The following INPP5A variants were observed in gnomAD, a reference collection of about 807,000 sequenced individuals.
INPP5A encodes inositol polyphosphate-5-phosphatase A.
Under a neutral mutation model 65.2 loss-of-function variants are expected in INPP5A, and 14 were observed. The ratio of observed to expected loss-of-function variants is 0.21; its 90% CI spans 0.14 to 0.34. The LOEUF is 0.34. INPP5A is among the 10% of genes least tolerant of loss of function. The pLI, the probability that INPP5A is intolerant of heterozygous loss-of-function variation, is 1.00. For missense variants in INPP5A, 431 were observed against 545.6 expected (o/e 0.79, Z 2.09); for synonymous variants, 207 against 208.3 (o/e 0.99, Z 0.05).
chr10:132,708,953 C>T (rs1456874901), intron 7 of INPP5A, among the ~76,000 whole-genome samples: 1 of 152,192 alleles, frequency 6.6e-6, no homozygotes, highest in African/African-American at 2.4e-5. Flanking sequence ...CATTTGAATA[C>T]TGTTTTCATT....
At chr10:132,765,395 ACT>A (rs1277303378) in intron 11 of INPP5A, among the ~76,000 whole-genome samples, 5 of 152,110 alleles carry the variant, frequency 3.3e-5, no homozygotes, top group African/African-American at 1.2e-4. Context: ...GTTACTTGAC[ACT>A]CTGGGCAGGA....
In INPP5A at chr10:132,645,821, C is replaced by A. The variant is rs757915460; in HGVS notation, c.118-47C>A. On this transcript the variant is annotated intron_variant, in intron 2 of 15. Coordinates refer to ENST00000368594, the MANE Select transcript of INPP5A (RefSeq NM_005539.5). ...GGAGGGGGTGGTGCCACGTGTGGCT[C>A]TGTGGACGGCTCCGACGACCCTGAC... 5 of 1,449,524 alleles carry A rather than the reference C, an allele frequency of 3.4e-6. No homozygotes were observed. The Admixed American group carries it at 5.4e-5, about 16-fold the overall frequency. The allele number at this position is 1,449,524 out of a possible 1,614,324, so 89.8% of individuals were successfully genotyped here. A position where few individuals can be genotyped will look rare whatever the true frequency, so the allele number is the denominator to read the frequency against.
In INPP5A at chr10:132,753,757, C is replaced by T. The variant is rs966769452; in HGVS notation, c.903+3912C>T. 1 of 152,106 alleles carries T rather than the reference C, an allele frequency of 6.6e-6. No individual in the cohort carries two copies. The highest frequency in any genetic ancestry group is 2.4e-5 in the African/African-American group (1 of 41,408). The allele number at this position is 152,106 out of a possible 1,614,324, so 9.4% of individuals were successfully genotyped here. ...CCCCAGGTGCATTGATTTTCTGGGC[C>T]TCTTTCCTTTATCAGCGCCAGTGTC... On this transcript the variant is annotated intron_variant, in intron 11 of 15. Coordinates refer to ENST00000368594, the MANE Select transcript of INPP5A (RefSeq NM_005539.5). This position sits in a 1 kb window ranked among gnomAD's most constrained non-coding sequence, Gnocchi z 5.3.
chr10:132,538,103 G>A lies in INPP5A; in HGVS notation c.7G>A (p.Gly3Arg). Residue 3 changes from glycine to arginine, a missense_variant, in exon 1 of 16, where the codon GGG becomes AGG. By Grantham distance (125) the Gly-to-Arg change is moderately radical. Coordinates refer to ENST00000368594, the MANE Select transcript of INPP5A (RefSeq NM_005539.5). This position sits in a 1 kb window ranked among gnomAD's most constrained non-coding sequence, Gnocchi z 4.1. MA[G>R]KAAAPGTAVL... ...CCCGCGCCGCCCGGGCACCATGGCGGGGAAGGCGGCCGCCCCGGGCACCGC... is the reference window on the plus strand; with the variant it reads ...CCCGCGCCGCCCGGGCACCATGGCGAGGAAGGCGGCCGCCCCGGGCACCGC... The A allele has an allele frequency of 8.3e-7, 1 of 1,211,716 alleles. No homozygotes were observed. Among genetic ancestry groups the A allele is most frequent in the Non-Finnish European group, 1.0e-6 (1 of 973,238 alleles). The allele number at this position is 1,211,716 out of a possible 1,614,324, so 75.1% of individuals were successfully genotyped here.
chr10:132,737,636 C>T (rs1846201320), intron 9 of INPP5A, among the ~76,000 whole-genome samples: 2 of 152,208 alleles, frequency 1.3e-5, no homozygotes. Flanking sequence ...CACAGGGACG[C>T]CCTTCCCTGA....
intron 8 of INPP5A, among the ~76,000 whole-genome samples, chr10:132,725,687 G>C (rs79712454): frequency 0.014 from 2,108 of 152,328 alleles, 27 homozygotes; most frequent in Middle Eastern, 0.024. Context: ...CTCCCTGCCT[G>C]TGGACAGCTG....
chr10:132,735,639 C>G (rs1846163132), intron 9 of INPP5A, among the ~76,000 whole-genome samples: 1 of 152,216 alleles, frequency 6.6e-6, no homozygotes, highest in Non-Finnish European at 1.5e-5. Flanking sequence ...CACTGCCGAC[C>G]GCGTTCCTCT....
intron 6 of INPP5A, among the ~76,000 whole-genome samples, chr10:132,700,682 C>T (rs141914600): frequency 2.4e-4 from 37 of 152,322 alleles, no homozygotes; most frequent in African/African-American, 8.9e-4. Flanking sequence ...CCCGACCTCT[C>T]GCTGTGTTTG....
chr10:132,763,613 A>G (rs1846772877), intron 11 of INPP5A, among the ~76,000 whole-genome samples: 1 of 151,912 alleles, frequency 6.6e-6, no homozygotes, highest in South Asian at 2.1e-4. Context: ...ATGCAAACAC[A>G]CACATGCCTG....
intron 12 of INPP5A, among the ~76,000 whole-genome samples, chr10:132,773,764 C>T (rs901814378): frequency 3.9e-5 from 6 of 152,174 alleles, no homozygotes; most frequent in Non-Finnish European, 5.9e-5. Flanking sequence ...CCTCGAGATA[C>T]GGGCGAGGGG....
At chr10:132,569,112 C>T (rs543422217) in intron 1 of INPP5A, among the ~76,000 whole-genome samples, 1 of 152,044 alleles carries the variant, frequency 6.6e-6, no homozygotes, top group Admixed American at 6.5e-5. Context: ...GACAGGGTTT[C>T]TCCATGTTGG....
At position 132,538,194 on chromosome 10, in the gene INPP5A, A is replaced by G; in HGVS notation, c.75+23A>G. On this transcript the variant is annotated intron_variant, in intron 1 of 15. Transcript: ENST00000368594. The surrounding 1 kb of genome is among the most constrained non-coding windows in gnomAD (Gnocchi z 4.1). ...GACGTAAGTCCCCCGTGCCGGCGGC[A>G]GGCCCCAAGCCCGGAACCCCCGACC... The G allele has an allele frequency of 7.9e-7, 1 of 1,262,856 alleles. No homozygotes were observed. Among genetic ancestry groups the G allele is most frequent in the Non-Finnish European group, 1.0e-6 (1 of 999,058 alleles). The allele number at this position is 1,262,856 out of a possible 1,614,324, so 78.2% of individuals were successfully genotyped here.
intron 8 of INPP5A, among the ~76,000 whole-genome samples, chr10:132,719,830 G>A (rs1002102798): frequency 8.7e-5 from 13 of 149,396 alleles, no homozygotes; most frequent in Non-Finnish European, 1.9e-4. Context: ...CACCTTAGAC[G>A]ACTGTCTTCA....
In INPP5A at chr10:132,637,029, T is replaced by G. The variant is rs762681332; in HGVS notation, c.118-8839T>G. ...GCCTCCCGGGTTCAAGCGATTCTCCTGCCTCAGCCTCCCAAGTAGGTAGGA... is the reference window on the plus strand; with the variant it reads ...GCCTCCCGGGTTCAAGCGATTCTCCGGCCTCAGCCTCCCAAGTAGGTAGGA... On this transcript the variant is annotated intron_variant, in intron 2 of 15. Coordinates refer to ENST00000368594, the MANE Select transcript of INPP5A (RefSeq NM_005539.5). The surrounding 1 kb of genome is among the most constrained non-coding windows in gnomAD (Gnocchi z 4.1). Among the ~76,000 whole-genome samples the G allele has an allele frequency of 9.8e-5, 15 of 152,348 alleles. No individual in the cohort carries two copies. In the Middle Eastern group the frequency reaches 0.01, roughly 104 times the overall value.
chr10:132,761,494 C>T (rs1463271463), intron 11 of INPP5A, among the ~76,000 whole-genome samples: 3 of 150,988 alleles, frequency 2.0e-5, no homozygotes, highest in African/African-American at 7.3e-5. Context: ...GTGTGCTCAG[C>T]AGGTGAGCAG....
intron 5 of INPP5A, among the ~76,000 whole-genome samples, chr10:132,696,808 G>GACCACAGCACCCAGGGCCGGGCCAC (rs1167340645): frequency 3.3e-5 from 5 of 152,114 alleles, no homozygotes; most frequent in African/African-American, 1.2e-4. Flanking sequence ...GGCCAGGTCA[G>GACCACAGCACCCAGGGCCGGGCCAC]ACCACAGCAC....
chr10:132,580,192 G>T (rs760145208), intron 1 of INPP5A, among the ~76,000 whole-genome samples: 2 of 152,150 alleles, frequency 1.3e-5, no homozygotes, highest in South Asian at 4.1e-4. Context: ...TCCCTGATAT[G>T]GTTTGGCTCT....
At chr10:132,768,787 C>G (rs556854820) in intron 12 of INPP5A, among the ~76,000 whole-genome samples, 7 of 152,346 alleles carry the variant, frequency 4.6e-5, no homozygotes, top group African/African-American at 1.4e-4. Context: ...TTTTCAGAAT[C>G]GTTTCATGGT....
rs1396085696 is a variant in INPP5A, at chr10:132,707,382, C to CT, written c.475-930dup. Among the ~76,000 whole-genome samples, 4 of 152,260 alleles carry CT rather than the reference C, an allele frequency of 2.6e-5. No individual in the cohort carries two copies. Among genetic ancestry groups the CT allele is most frequent in the Non-Finnish European group, 5.9e-5 (4 of 68,040 alleles). On this transcript the variant is annotated intron_variant, in intron 6 of 15. Coordinates refer to ENST00000368594, the MANE Select transcript of INPP5A (RefSeq NM_005539.5). This position sits in a 1 kb window ranked among gnomAD's most constrained non-coding sequence, Gnocchi z 5.5. Reference sequence around the variant, plus strand: ...TGCTTTGTGGACCTTGGACTTGACTCTGTCAGCCTCTTCCCAGTGCCTTCT... The same window carrying CT: ...TGCTTTGTGGACCTTGGACTTGACTCTTGTCAGCCTCTTCCCAGTGCCTTCT...
Sources: gnomAD v4.1 joint callset for allele counts (sites outside exome capture counted in the v4.1 genomes callset) on GRCh38, gnomAD v4.1.1 for gene constraint, Gnocchi (gnomAD v3.1) non-coding constraint, MANE v1.5 for transcripts, NCBI Gene and HGNC (gene_info 2026-07-23, HGNC 2026-07-21) for gene names.